Variants in ANKRD29 observed in about 807,000 individuals in gnomAD.
ANKRD29 encodes ankyrin repeat domain 29.
Under a neutral mutation model 38.0 loss-of-function variants are expected in ANKRD29, and 32 were observed. That is an observed-to-expected ratio of 0.84 (90% CI 0.64 to 1.13). The LOEUF (loss-of-function observed/expected upper bound fraction) is 1.13. Among genes scored for constraint, ANKRD29 ranks in the 50% most tolerant of loss-of-function variants. The pLI is 0.00. For missense variants in ANKRD29, 357 were observed against 377.9 expected (o/e 0.94, Z 0.46); for synonymous variants, 135 against 152.4 (o/e 0.89, Z 0.84).
chr18:23,628,870 T>G (rs2059894307), intron 6 of ANKRD29, among the ~76,000 whole-genome samples: 1 of 150,778 alleles, frequency 6.6e-6, no homozygotes, highest in Admixed American at 6.6e-5. Context: ...TGGACAAAAA[T>G]AGTACCTACA....
intron 3 of ANKRD29, among the ~76,000 whole-genome samples, chr18:23,645,286 G>T (rs1370649131): frequency 6.6e-6 from 1 of 152,174 alleles, no homozygotes; most frequent in Non-Finnish European, 1.5e-5. Flanking sequence ...TCAGAATTGA[G>T]CCCCAAAGTA....
chr18:23,645,854 AATG>A (rs1286596749), intron 3 of ANKRD29, among the ~76,000 whole-genome samples: 6 of 152,176 alleles, frequency 3.9e-5, no homozygotes, highest in African/African-American at 1.4e-4. Context: ...CTAAAAATAT[AATG>A]ATCTATATGA....
At chr18:23,662,340 C>G (rs1613739) in intron 1 of ANKRD29, among the ~76,000 whole-genome samples, 134,560 of 152,188 alleles carry the variant, frequency 0.88, 59,857 homozygotes, top group East Asian at 1. Flanking sequence ...GCATGAGGAC[C>G]CAGAGGGTCA....
chr18:23,621,698 G>C (rs964887573), intron 6 of ANKRD29, among the ~76,000 whole-genome samples: 10 of 151,996 alleles, frequency 6.6e-5, no homozygotes, highest in Non-Finnish European at 1.2e-4. Context: ...ATTATTATTT[G>C]AGACAGGACT....
chr18:23,631,791 T>C (rs1162676517), intron 5 of ANKRD29, among the ~76,000 whole-genome samples: 1 of 152,212 alleles, frequency 6.6e-6, no homozygotes, highest in African/African-American at 2.4e-5. Context: ...GGCATTTCTG[T>C]TTTCTTGGAC....
chr18:23,662,613 G>GGCCCCCCCCCAACCCCCCC, intron 1 of ANKRD29, 97 bp downstream of exon 1: 1 of 403,938 alleles, frequency 2.5e-6, no homozygotes. Flanking sequence ...AGCGGGCAGC[G>GGCCCCCCCCCAACCCCCCC]CCCACCCCAT....
intron 4 of ANKRD29, among the ~76,000 whole-genome samples, chr18:23,635,967 C>T (rs558359728): frequency 5.3e-5 from 8 of 152,166 alleles, no homozygotes; most frequent in Admixed American, 2.0e-4. Context: ...TGGTGGTAGA[C>T]GGCAGTGGTG....
chr18:23,644,608 G>A (rs1409012806), intron 3 of ANKRD29, among the ~76,000 whole-genome samples: 1 of 152,128 alleles, frequency 6.6e-6, no homozygotes, highest in East Asian at 1.9e-4. Flanking sequence ...TGTTGATCCA[G>A]GGCTACAGAG....
intron 1 of ANKRD29, 65 bp downstream of exon 1, chr18:23,662,645 C>T (rs2060381243): frequency 2.2e-6 from 2 of 889,684 alleles, no homozygotes; most frequent in Admixed American, 3.8e-5. Context: ...CCACCCCACC[C>T]GACCCCGCGG....
intron 4 of ANKRD29, among the ~76,000 whole-genome samples, chr18:23,635,851 T>C (rs2059995666): frequency 1.3e-5 from 2 of 152,054 alleles, no homozygotes; most frequent in Non-Finnish European, 2.9e-5. Context: ...GGGCTGCGTG[T>C]GGCTGGGTAG....
chr18:23,616,822 A>G (rs1394510544), intron 8 of ANKRD29, among the ~76,000 whole-genome samples: 3 of 148,324 alleles, frequency 2.0e-5, no homozygotes, highest in Non-Finnish European at 4.5e-5. Flanking sequence ...CAATAATATA[A>G]TTATATTAGT....
intron 5 of ANKRD29, among the ~76,000 whole-genome samples, chr18:23,632,531 G>GTAATATATATATATATATATATATATATA (rs772817461): frequency 7.9e-6 from 1 of 126,906 alleles, no homozygotes; most frequent in African/African-American, 3.3e-5. Flanking sequence ...GTGTGTGTGT[G>GTAATATATATATATATATATATATATATA]TGTATATATA....
intron 4 of ANKRD29, 72 bp from the exon 5 acceptor site, chr18:23,634,221 A>G (rs2059971977): frequency 8.7e-7 from 1 of 1,144,204 alleles, no homozygotes. Flanking sequence ...TGTTCCTCAC[A>G]TACATAGAAT....
intron 3 of ANKRD29, among the ~76,000 whole-genome samples, chr18:23,640,217 G>T (rs1299280730): frequency 6.6e-6 from 1 of 152,164 alleles, no homozygotes; most frequent in Non-Finnish European, 1.5e-5. Flanking sequence ...AGCCACCAGG[G>T]GCTGGAAGAG....
intron 9 of ANKRD29, among the ~76,000 whole-genome samples, chr18:23,605,251 A>G (rs2059561048): frequency 6.6e-6 from 1 of 151,718 alleles, no homozygotes; most frequent in African/African-American, 2.4e-5. Context: ...TTATTTTTTT[A>G]GACAGATGGT....
intron 9 of ANKRD29, among the ~76,000 whole-genome samples, chr18:23,605,648 C>G (rs1189296757): frequency 6.6e-6 from 1 of 151,860 alleles, no homozygotes; most frequent in African/African-American, 2.4e-5. Context: ...TGCCTCAACC[C>G]CCTGAGTAGC....
chr18:23,627,582 T>C lies in ANKRD29; in HGVS notation c.528+2271A>G, dbSNP rs150192475. On this transcript the variant is annotated intron_variant, in intron 6 of 9. Transcript: ENST00000592179. ...TTTAGGTTTAAGTGGGCATGGCTCA[T>C]GCAACATTTGAAATATAATCTCTTA... Among the ~76,000 whole-genome samples the C allele has an allele frequency of 5.4e-3, 821 of 152,356 alleles. 4 individuals carry two copies. Among genetic ancestry groups the C allele is most frequent in the Non-Finnish European group, 9.6e-3 (650 of 68,032 alleles).
At chr18:23,614,068 T>C (rs2059680312) in intron 8 of ANKRD29, among the ~76,000 whole-genome samples, 1 of 151,846 alleles carries the variant, frequency 6.6e-6, no homozygotes, top group African/African-American at 2.4e-5. Context: ...CTTTTTGGCC[T>C]CTTTTTTTTC....
At chr18:23,604,910 AATTTT>A (rs752656432) in intron 9 of ANKRD29, among the ~76,000 whole-genome samples, 14 of 152,006 alleles carry the variant, frequency 9.2e-5, no homozygotes, top group African/African-American at 2.9e-4. Context: ...CATCACACAG[AATTTT>A]ATTTTATTTT....
Sources: allele counts gnomAD v4.1 joint callset (sites outside exome capture counted in the v4.1 genomes callset), GRCh38; gene constraint gnomAD v4.1.1; transcripts MANE v1.5; gene names NCBI Gene and HGNC (gene_info 2026-07-23, HGNC 2026-07-21).